The following FOXP2 variants were observed in gnomAD, a reference collection of about 807,000 sequenced individuals.
The protein encoded by FOXP2 is forkhead box P2.
In FOXP2, 12 loss-of-function variants were observed where a neutral mutation model predicts 115.8. The observed-to-expected ratio is 0.10, with a 90% CI of 0.07 to 0.17. The LOEUF is 0.17. Among genes scored for constraint, FOXP2 ranks in the 10% least tolerant of loss-of-function variants. FOXP2 has a pLI of 1.00. For synonymous variants in FOXP2, 328 were observed against 297.7 expected (o/e 1.10, Z -1.05); for missense variants, 629 against 843.5 (o/e 0.75, Z 3.15).
At chr7:114,309,592 C>T (rs1293287576) in intron 2 of FOXP2, among the ~76,000 whole-genome samples, 1 of 152,124 alleles carries the variant, frequency 6.6e-6, no homozygotes, top group Non-Finnish European at 1.5e-5. Context: ...CTTTAGGCAC[C>T]TTTAGGAATG....
chr7:114,263,491 T>G (rs1795814098), intron 1 of FOXP2, among the ~76,000 whole-genome samples: 1 of 151,302 alleles, frequency 6.6e-6, no homozygotes, highest in African/African-American at 2.4e-5. Flanking sequence ...TGTTGCTGCG[T>G]TTCCCAGACT....
At chr7:114,145,429 A>ATTTTTTCTCTTTTCTTTTCTTTTC (rs1792336748) in intron 1 of FOXP2, among the ~76,000 whole-genome samples, 1 of 104,116 alleles carries the variant, frequency 9.6e-6, no homozygotes, top group Non-Finnish European at 2.0e-5. Flanking sequence ...TAGCTTTGCC[A>ATTTTTTCTCTTTTCTTTTCTTTTC]TTTTTTCTTT....
intron 1 of FOXP2, among the ~76,000 whole-genome samples, chr7:114,100,133 C>G (rs1799745614): frequency 6.6e-6 from 1 of 152,088 alleles, no homozygotes; most frequent in South Asian, 2.1e-4. Context: ...AAAGTTCTTC[C>G]TTACAGTGAA....
intron 3 of FOXP2, among the ~76,000 whole-genome samples, chr7:114,622,079 G>A (rs969764317): frequency 1.3e-5 from 2 of 151,984 alleles, no homozygotes; most frequent in Non-Finnish European, 2.9e-5. Flanking sequence ...TAGATCTGCT[G>A]TTAGTAATTT....
chr7:114,360,428 T>C (rs1427609676), intron 2 of FOXP2, among the ~76,000 whole-genome samples: 1 of 152,216 alleles, frequency 6.6e-6, no homozygotes, highest in Admixed American at 6.5e-5. Context: ...AGAAGTGTTT[T>C]GCCTTGATTT....
At chr7:114,416,386 ACAGCTTTTT>A (rs1793342940) in intron 1 of FOXP2, 1 of 151,788 alleles carries the variant, frequency 6.6e-6, no homozygotes, top group South Asian at 2.1e-4. Context: ...TGCAACACCA[ACAGCTTTTT>A]CCTCTGACCA....
At chr7:114,345,650 C>T (rs546150958) in intron 2 of FOXP2, among the ~76,000 whole-genome samples, 11 of 151,608 alleles carry the variant, frequency 7.3e-5, no homozygotes, top group South Asian at 4.2e-4. Context: ...CATTAATGGC[C>T]GATTCTGTTT....
intron 3 of FOXP2, among the ~76,000 whole-genome samples, chr7:114,623,533 A>G (rs899627275): frequency 2.0e-5 from 3 of 151,882 alleles, no homozygotes; most frequent in African/African-American, 7.2e-5. Context: ...TAGAAGTTGC[A>G]TTTTTGGCCT....
chr7:114,606,216 G>C (rs1010458590), intron 3 of FOXP2, among the ~76,000 whole-genome samples: 2 of 152,170 alleles, frequency 1.3e-5, no homozygotes, highest in African/African-American at 4.8e-5. Flanking sequence ...TACAGTAAAA[G>C]AAACCGTTTC....
intron 1 of FOXP2, among the ~76,000 whole-genome samples, chr7:114,196,511 A>C (rs1278773204): frequency 3.3e-5 from 5 of 152,206 alleles, no homozygotes; most frequent in Non-Finnish European, 7.3e-5. Flanking sequence ...ATGGGTTCAC[A>C]TCTTATAAAT....
intron 6 of FOXP2, among the ~76,000 whole-genome samples, chr7:114,634,799 A>G (rs562929466): frequency 1.3e-5 from 2 of 152,190 alleles, no homozygotes; most frequent in East Asian, 1.9e-4. Context: ...ATAATTGTCT[A>G]TTGGTTAGGA....
At chr7:114,591,558 G>T (rs558501109) in intron 3 of FOXP2, among the ~76,000 whole-genome samples, 23 of 151,974 alleles carry the variant, frequency 1.5e-4, no homozygotes, top group Admixed American at 1.2e-3. Flanking sequence ...TGTGATCTCT[G>T]ACTACCAGAG....
intron 3 of FOXP2, among the ~76,000 whole-genome samples, chr7:114,600,627 A>G (rs1802969415): frequency 6.6e-6 from 1 of 152,190 alleles, no homozygotes; most frequent in South Asian, 2.1e-4. Context: ...TTACATTCCC[A>G]CCAGCAATGA....
intron 2 of FOXP2, among the ~76,000 whole-genome samples, chr7:114,486,662 A>G (rs903374243): frequency 6.6e-6 from 1 of 152,248 alleles, no homozygotes; most frequent in Admixed American, 6.5e-5. Context: ...CTTTCTTGAT[A>G]CAATAGGGAT....
chr7:114,422,093 G>A (rs1323001306), intron 1 of FOXP2, among the ~76,000 whole-genome samples: 1 of 151,510 alleles, frequency 6.6e-6, no homozygotes, highest in Non-Finnish European at 1.5e-5. Context: ...AGATTAAGGA[G>A]GTATTTAAGA....
At chr7:114,614,928 A>G (rs888195466) in intron 3 of FOXP2, among the ~76,000 whole-genome samples, 2 of 152,116 alleles carry the variant, frequency 1.3e-5, no homozygotes, top group Non-Finnish European at 2.9e-5. Flanking sequence ...CTTTTAAAAA[A>G]ATAAAACTTT....
Position 114,253,952 on chromosome 7 carries a change from A to G in FOXP2, c.-101-34067A>G, listed in dbSNP as rs565270716. Among the ~76,000 whole-genome samples the G allele has an allele frequency of 1.2e-4, 19 of 152,218 alleles. 1 individual carries two copies. In the South Asian group the frequency reaches 3.3e-3, roughly 27 times the overall value. On this transcript the variant is annotated intron_variant, in intron 1 of 17. Coordinates refer to the FOXP2 transcript ENST00000634411. ...GTACCAGTTTTTCTTTTCCATGTTT[A>G]GTGCTTCCTTCAGGAGCCCTTGTAG...
chr7:114,576,848 C>T (rs1448524683), intron 3 of FOXP2, among the ~76,000 whole-genome samples: 2 of 151,870 alleles, frequency 1.3e-5, no homozygotes, highest in Non-Finnish European at 2.9e-5. Flanking sequence ...TTTCTGTTCC[C>T]TGTCTATTTC....
At chr7:114,517,551 G>C (rs73429321) in intron 2 of FOXP2, among the ~76,000 whole-genome samples, 3,984 of 152,206 alleles carry the variant, frequency 0.026, 173 homozygotes, top group African/African-American at 0.088. Flanking sequence ...GTGGATATAT[G>C]CAGTTTCCCT....
Sources: allele counts gnomAD v4.1 joint callset (sites outside exome capture counted in the v4.1 genomes callset), GRCh38; gene constraint gnomAD v4.1.1; transcripts MANE v1.5; gene names NCBI Gene and HGNC (gene_info 2026-07-23, HGNC 2026-07-21).